The following NKAIN3 variants were observed in gnomAD, a reference collection of about 807,000 sequenced individuals.
The protein encoded by NKAIN3 is sodium/potassium-transporting ATPase subunit beta-1-interacting protein 3.
NKAIN3 carries 25 observed loss-of-function variants against 30.2 expected under a neutral mutation model. The observed-to-expected ratio is 0.83, with a 90% CI of 0.60 to 1.16. NKAIN3 has a LOEUF of 1.16. NKAIN3 is among the 50% of genes most tolerant of loss of function. NKAIN3 has a pLI of 0.00. For missense variants in NKAIN3, 225 were observed against 254.1 expected (o/e 0.89, Z 0.78); for synonymous variants, 91 against 89.6 (o/e 1.02, Z -0.09).
Position 62,864,184 on chromosome 8 carries a change from A to C in NKAIN3, c.472-54269A>C, listed in dbSNP as rs529488673. 6.0e-5 allele frequency: 39 copies of C among 644,924 alleles called. No individual in the cohort carries two copies. The South Asian group carries it at 7.1e-4, about 12-fold the overall frequency. The allele number at this position is 644,924 out of a possible 1,614,324, so 40.0% of individuals were successfully genotyped here. A position where few individuals can be genotyped will look rare whatever the true frequency, so the allele number is the denominator to read the frequency against. The stretch of plus-strand genomic sequence containing the variant: ...GCTTTCACTTGCTCAACCGACCGGG[A>C]GGAGGCTCTGGCGGATGGCGAATAC... On this transcript the variant is annotated intron_variant, in intron 4 of 6. Coordinates refer to ENST00000623646, the MANE Select transcript of NKAIN3 (RefSeq NM_001304533.3).
intron 4 of NKAIN3, chr8:62,863,924 G>A: frequency 8.8e-7 from 1 of 1,141,492 alleles, no homozygotes; most frequent in Non-Finnish European, 1.3e-6. Flanking sequence ...TTTGGCTCTG[G>A]TGGTGTGGGG....
chr8:62,974,628 C>G lies in NKAIN3; in HGVS notation c.*9221C>G, dbSNP rs1033728756. Among the ~76,000 whole-genome samples the G allele has an allele frequency of 6.6e-6, 1 of 152,216 alleles. No individual in the cohort carries two copies. The highest frequency in any genetic ancestry group is 1.5e-5 in the Non-Finnish European group (1 of 68,044). On this transcript the variant is annotated 3_prime_UTR_variant, in exon 7 of 7. Transcript: ENST00000623646. ...GCAAACAGAGATAATTTGACTTTCT[C>G]TCTTCCTATTCGAATACGCTTTATT...
intron 4 of NKAIN3, among the ~76,000 whole-genome samples, chr8:62,798,992 C>A (rs1464470164): frequency 1.3e-5 from 2 of 152,024 alleles, no homozygotes; most frequent in Admixed American, 6.6e-5. Flanking sequence ...CTCACAGGAC[C>A]AAGGTGTCCA....
At chr8:62,830,964 C>G (rs1194735346) in intron 4 of NKAIN3, among the ~76,000 whole-genome samples, 1 of 152,166 alleles carries the variant, frequency 6.6e-6, no homozygotes. Context: ...GAGCAAGAAG[C>G]TCAGACTGCC....
At chr8:62,592,943 A>C (rs1585986863) in intron 3 of NKAIN3, among the ~76,000 whole-genome samples, 1 of 151,996 alleles carries the variant, frequency 6.6e-6, no homozygotes, top group South Asian at 2.1e-4. Context: ...TTTAGAATAC[A>C]TGAGGTAAAA....
At chr8:62,392,091 T>C (rs909206031) in intron 1 of NKAIN3, among the ~76,000 whole-genome samples, 1 of 151,910 alleles carries the variant, frequency 6.6e-6, no homozygotes, top group Non-Finnish European at 1.5e-5. Context: ...AGAAACAAAA[T>C]TGACAAACTA....
intron 3 of NKAIN3, among the ~76,000 whole-genome samples, chr8:62,707,381 C>A (rs1176023132): frequency 1.3e-5 from 2 of 152,116 alleles, no homozygotes; most frequent in Admixed American, 6.6e-5. Flanking sequence ...CACACTCACA[C>A]CAACATCTAC....
intron 1 of NKAIN3, among the ~76,000 whole-genome samples, chr8:62,358,074 A>C (rs1373800917): frequency 2.0e-5 from 3 of 152,156 alleles, no homozygotes; most frequent in African/African-American, 7.2e-5. Context: ...TGGAGATAAC[A>C]GATGGGAAAG....
chr8:62,993,123 G>T (rs958412504), intron 5 of NKAIN3, among the ~76,000 whole-genome samples: 2 of 152,046 alleles, frequency 1.3e-5, no homozygotes, highest in African/African-American at 2.4e-5. Flanking sequence ...ATTTTTAGGG[G>T]CCAGGCCTGG....
chr8:62,649,410 A>G (rs1013697155), intron 3 of NKAIN3, among the ~76,000 whole-genome samples: 3 of 152,100 alleles, frequency 2.0e-5, no homozygotes, highest in African/African-American at 7.3e-5. Flanking sequence ...ATGGGACTTC[A>G]TGCCAGGGAT....
chr8:62,504,351 A>G (rs971899262), intron 1 of NKAIN3, among the ~76,000 whole-genome samples: 19 of 152,292 alleles, frequency 1.2e-4, no homozygotes, highest in African/African-American at 4.1e-4. Context: ...AAACCTAGCA[A>G]ATTGCTGTCC....
At position 62,507,102 on chromosome 8, in the gene NKAIN3, T is replaced by C. The variant is rs576427922; in HGVS notation, c.55-72437T>C. Among the ~76,000 whole-genome samples the C allele has an allele frequency of 2.0e-5, 3 of 152,304 alleles. No homozygotes were observed. In the East Asian group the frequency reaches 5.8e-4, roughly 29 times the overall value. On this transcript the variant is annotated intron_variant, in intron 1 of 6. Coordinates refer to ENST00000623646, the MANE Select transcript of NKAIN3 (RefSeq NM_001304533.3). ...CTTCTGAATAAAGATAATTTTATAC[T>C]GTATGAATAATTTCCCTTTGTTTTC...
At chr8:62,996,805 C>T (rs368974513) in intron 5 of NKAIN3, among the ~76,000 whole-genome samples, 1 of 152,232 alleles carries the variant, frequency 6.6e-6, no homozygotes, top group Non-Finnish European at 1.5e-5. Flanking sequence ...GTAATGATCT[C>T]CTTTGACTCC....
chr8:62,903,850 A>G (rs1031255219), intron 4 of NKAIN3, among the ~76,000 whole-genome samples: 2 of 152,266 alleles, frequency 1.3e-5, no homozygotes, highest in Non-Finnish European at 2.9e-5. Flanking sequence ...AGAAGGGGGA[A>G]GTCCCTGATA....
At chr8:62,673,088 G>A (rs1265987148) in intron 3 of NKAIN3, among the ~76,000 whole-genome samples, 1 of 152,140 alleles carries the variant, frequency 6.6e-6, no homozygotes, top group African/African-American at 2.4e-5. Flanking sequence ...CTTTCTCAAG[G>A]TCCAACGGTT....
At chr8:62,489,228 T>A (rs1412565658) in intron 1 of NKAIN3, among the ~76,000 whole-genome samples, 1 of 150,736 alleles carries the variant, frequency 6.6e-6, no homozygotes, top group Non-Finnish European at 1.5e-5. Context: ...GGTTTCACCA[T>A]GTTAGCCAGG....
chr8:62,892,959 G>A (rs1467899581), intron 4 of NKAIN3, among the ~76,000 whole-genome samples: 2 of 152,116 alleles, frequency 1.3e-5, no homozygotes, highest in Admixed American at 6.5e-5. Context: ...TAACTCAATA[G>A]GCTTTATTCC....
At chr8:62,302,972 T>C (rs1814103444) in intron 1 of NKAIN3, among the ~76,000 whole-genome samples, 1 of 150,252 alleles carries the variant, frequency 6.7e-6, no homozygotes, top group Non-Finnish European at 1.5e-5. Flanking sequence ...CACATTCACA[T>C]TGCAAATCAC....
Position 62,282,140 on chromosome 8 carries a change from G to T in NKAIN3, c.54+33013G>T, listed in dbSNP as rs563725233. ...TACTCTCAAGCCGACCCCAGACCCTGGGTTTCTCATGTGGTCTTCAGACTA... is the reference window on the plus strand; with the variant it reads ...TACTCTCAAGCCGACCCCAGACCCTTGGTTTCTCATGTGGTCTTCAGACTA... On this transcript the variant is annotated intron_variant, in intron 1 of 6. Coordinates refer to ENST00000623646, the MANE Select transcript of NKAIN3 (RefSeq NM_001304533.3). Among the ~76,000 whole-genome samples the T allele has an allele frequency of 2.0e-5, 3 of 152,152 alleles. No homozygotes were observed. The South Asian group carries it at 6.2e-4, about 32-fold the overall frequency.
Sources: allele counts gnomAD v4.1 joint callset (sites outside exome capture counted in the v4.1 genomes callset), GRCh38; gene constraint gnomAD v4.1.1; transcripts MANE v1.5; gene names NCBI Gene and HGNC (gene_info 2026-07-23, HGNC 2026-07-21).